Variants in CD86 observed in about 807,000 individuals in gnomAD.
CD86 encodes the protein CD86 molecule.
Under a neutral mutation model 32.1 loss-of-function variants are expected in CD86, and 11 were observed. The observed-to-expected ratio is 0.34, with a 90% CI of 0.22 to 0.57. The LOEUF (loss-of-function observed/expected upper bound fraction) is 0.57, where lower values mean the gene tolerates loss of function less well. Among genes scored for constraint, CD86 ranks in the 20% least tolerant of loss-of-function variants. The pLI is 0.86. For missense variants in CD86, 359 were observed against 398.4 expected, an observed-to-expected ratio of 0.90 and a Z score of 0.84; for synonymous variants, 137 against 135.3, an observed-to-expected ratio of 1.01 and a Z score of -0.09.
intron 5 of CD86, among the ~76,000 whole-genome samples, chr3:122,111,249 G>C (rs935516397): frequency 2.0e-5 from 3 of 152,242 alleles, no homozygotes; most frequent in African/African-American, 7.2e-5. Flanking sequence ...TGCCATTATA[G>C]ATATGATATA....
chr3:122,087,150 G>A (rs1475734528), intron 1 of CD86, among the ~76,000 whole-genome samples: 2 of 152,134 alleles, frequency 1.3e-5, no homozygotes, highest in African/African-American at 4.8e-5. Context: ...AGTGGATTAC[G>A]GCAGGTGCTC....
At chr3:122,059,535 CAAAAAA>C (rs35060876) in intron 1 of CD86, among the ~76,000 whole-genome samples, 7 of 67,960 alleles carry the variant, frequency 1.0e-4, no homozygotes, top group Non-Finnish European at 2.1e-4. Context: ...GACTCCGTCT[CAAAAAA>C]AAAAAAAAAA....
chr3:122,081,928 C>A (rs2072640176), intron 1 of CD86, among the ~76,000 whole-genome samples: 1 of 152,134 alleles, frequency 6.6e-6, no homozygotes, highest in African/African-American at 2.4e-5. Context: ...CAGACTCTAC[C>A]CAGACAGGGA....
intron 1 of CD86, among the ~76,000 whole-genome samples, chr3:122,057,569 T>C (rs577336752): frequency 1.3e-5 from 2 of 152,328 alleles, no homozygotes; most frequent in South Asian, 4.1e-4. Context: ...CTTTTCAATT[T>C]GAATCCCATC....
intron 1 of CD86, among the ~76,000 whole-genome samples, chr3:122,079,987 C>G (rs1455310890): frequency 1.3e-5 from 2 of 152,100 alleles, no homozygotes; most frequent in Non-Finnish European, 2.9e-5. Context: ...CAGGGGCTTT[C>G]AAAAAATGCC....
chr3:122,106,836 G>A (rs187963723), intron 4 of CD86, among the ~76,000 whole-genome samples: 72 of 29,364 alleles, frequency 2.5e-3, no homozygotes, highest in African/African-American at 4.9e-3. Flanking sequence ...ACATACATGC[G>A]CTTGCACACA....
chr3:122,067,026 C>T (rs2072423405), intron 1 of CD86, among the ~76,000 whole-genome samples: 1 of 151,772 alleles, frequency 6.6e-6, no homozygotes, highest in Non-Finnish European at 1.5e-5. Flanking sequence ...ACAGCTTCCA[C>T]AGAGGTAAAG....
chr3:122,082,320 TC>T (rs1359149499), intron 1 of CD86, among the ~76,000 whole-genome samples: 1 of 152,226 alleles, frequency 6.6e-6, no homozygotes, highest in Non-Finnish European at 1.5e-5. Context: ...GTATGTATCC[TC>T]CCATGGAAGG....
intron 1 of CD86, among the ~76,000 whole-genome samples, chr3:122,089,351 T>A (rs2072776391): frequency 6.6e-6 from 1 of 152,234 alleles, no homozygotes; most frequent in Non-Finnish European, 1.5e-5. Flanking sequence ...AATAAAGATT[T>A]CTAAAACTTA....
intron 1 of CD86, among the ~76,000 whole-genome samples, chr3:122,078,866 A>AGGTT (rs2072590543): frequency 6.6e-6 from 1 of 152,226 alleles, no homozygotes; most frequent in Non-Finnish European, 1.5e-5. Flanking sequence ...CAATCTTGGG[A>AGGTT]CTAAGGCCCT....
At chr3:122,076,198 A>G (rs2072553892) in intron 1 of CD86, among the ~76,000 whole-genome samples, 1 of 152,260 alleles carries the variant, frequency 6.6e-6, no homozygotes, top group African/African-American at 2.4e-5. Context: ...TACTATATAA[A>G]TAATGAAACA....
intron 1 of CD86, among the ~76,000 whole-genome samples, chr3:122,073,850 T>C (rs541926263): frequency 6.6e-6 from 1 of 152,236 alleles, no homozygotes; most frequent in Non-Finnish European, 1.5e-5. Flanking sequence ...CAAGTATATA[T>C]GAAATCATCA....
At chr3:122,106,974 C>T (rs2073102670) in intron 4 of CD86, among the ~76,000 whole-genome samples, 1 of 152,142 alleles carries the variant, frequency 6.6e-6, no homozygotes, top group African/African-American at 2.4e-5. Flanking sequence ...GACACCCCCT[C>T]TGCCCTTGAG....
intron 5 of CD86, among the ~76,000 whole-genome samples, chr3:122,111,425 A>G (rs1160341062): frequency 6.6e-6 from 1 of 152,248 alleles, no homozygotes; most frequent in Non-Finnish European, 1.5e-5. Context: ...AACTTCACAT[A>G]GGTGATTAAG....
intron 1 of CD86, among the ~76,000 whole-genome samples, chr3:122,061,641 C>A (rs1160931968): frequency 6.6e-6 from 1 of 152,246 alleles, no homozygotes; most frequent in African/African-American, 2.4e-5. Context: ...AAAAATTAAA[C>A]CACTACCTAC....
intron 2 of CD86, among the ~76,000 whole-genome samples, chr3:122,101,315 G>A (rs544338650): frequency 2.4e-4 from 36 of 151,832 alleles, no homozygotes; most frequent in African/African-American, 8.7e-4. Flanking sequence ...CACATGTGAC[G>A]TGAATCTCAT....
At chr3:122,081,755 C>A (rs76243581) in intron 1 of CD86, among the ~76,000 whole-genome samples, 4 of 152,156 alleles carry the variant, frequency 2.6e-5, no homozygotes, top group Non-Finnish European at 5.9e-5. Flanking sequence ...GAAATCAACT[C>A]GTGCAAGTTC....
chr3:122,105,437 C>A (rs2073075985), intron 3 of CD86, among the ~76,000 whole-genome samples: 1 of 152,122 alleles, frequency 6.6e-6, no homozygotes, highest in Admixed American at 6.5e-5. Flanking sequence ...GTAGAACCTG[C>A]AAACTACCTA....
At position 122,119,540 on chromosome 3, in the gene CD86, G is replaced by A. The variant is rs1256568625; in HGVS notation, c.*6G>A. Reference sequence around the variant, plus strand: ...AAAGTGATACATGTTTTTAATTAAAGAGTAAAGCCCATACAAGTATTCATT... The same window carrying A: ...AAAGTGATACATGTTTTTAATTAAAAAGTAAAGCCCATACAAGTATTCATT... On this transcript the variant is annotated 3_prime_UTR_variant, in exon 7 of 7. Coordinates refer to ENST00000330540, the MANE Select transcript of CD86 (RefSeq NM_175862.5). The A allele has an allele frequency of 1.3e-6, 2 of 1,525,628 alleles. No individual in the cohort carries two copies. The highest frequency in any genetic ancestry group is 1.8e-6 in the Non-Finnish European group (2 of 1,100,580). 94.5% of individuals were successfully genotyped at this position (1,525,628 alleles called of 1,614,324 possible).
Sources: allele counts gnomAD v4.1 joint callset (sites outside exome capture counted in the v4.1 genomes callset), GRCh38; gene constraint gnomAD v4.1.1; transcripts MANE v1.5; gene names NCBI Gene and HGNC (gene_info 2026-07-23, HGNC 2026-07-21).